Variants in ESRRB observed in about 807,000 individuals in gnomAD.
ESRRB encodes steroid hormone receptor ERR2.
In ESRRB, 16 loss-of-function variants were observed where a neutral mutation model predicts 46.0. The ratio of observed to expected loss-of-function variants is 0.35; its 90% CI spans 0.24 to 0.53. ESRRB has a LOEUF of 0.53. ESRRB is among the 20% of genes least tolerant of loss of function. ESRRB has a pLI of 0.93. For synonymous variants in ESRRB, 246 were observed against 259.6 expected, an observed-to-expected ratio of 0.95 and a Z score of 0.50; for missense variants, 488 against 607.4, an observed-to-expected ratio of 0.80 and a Z score of 2.07.
chr14:76,500,664 C>T lies in ESRRB; in HGVS notation c.*2206C>T. 6.2e-7 allele frequency: 1 copy of T among 1,613,498 alleles called. No individual in the cohort carries two copies. The highest frequency in any genetic ancestry group is 8.5e-7 in the Non-Finnish European group (1 of 1,179,654). Reference sequence around the variant, plus strand: ...GGACCCAGGCGGCAGGGCATCATGCCCAGCTGGCATCTGCTGTCTGTCTTT... The same window carrying T: ...GGACCCAGGCGGCAGGGCATCATGCTCAGCTGGCATCTGCTGTCTGTCTTT... On this transcript the variant is annotated 3_prime_UTR_variant, in exon 7 of 7. Coordinates refer to ENST00000644823, the MANE Select transcript of ESRRB (RefSeq NM_001379180.1).
Position 76,500,680 on chromosome 14 carries a change from G to C in ESRRB, c.*2222G>C, listed in dbSNP as rs368331437. ...GCATCATGCCCAGCTGGCATCTGCTGTCTGTCTTTTCTAGGGAAAGCATCT... is the reference window on the plus strand; with the variant it reads ...GCATCATGCCCAGCTGGCATCTGCTCTCTGTCTTTTCTAGGGAAAGCATCT... On this transcript the variant is annotated 3_prime_UTR_variant, in exon 7 of 7. Transcript: ENST00000644823. The C allele has an allele frequency of 2.2e-5, 35 of 1,613,678 alleles. No homozygotes were observed. Among genetic ancestry groups the C allele is most frequent in the African/African-American group, 1.9e-4 (14 of 74,934 alleles).
At chr14:76,354,055 C>T (rs572266082) in intron 1 of ESRRB, among the ~76,000 whole-genome samples, 35 of 152,280 alleles carry the variant, frequency 2.3e-4, no homozygotes, top group South Asian at 4.1e-4. Flanking sequence ...ATGTCAGCCC[C>T]GCTGGGTCCT....
intron 2 of ESRRB, among the ~76,000 whole-genome samples, chr14:76,441,421 T>C (rs556759365): frequency 6.6e-6 from 1 of 152,314 alleles, no homozygotes; most frequent in Non-Finnish European, 1.5e-5. Context: ...AGGGCTGTTA[T>C]CAAATTCATG....
intron 1 of ESRRB, among the ~76,000 whole-genome samples, chr14:76,386,768 C>T (rs957485322): frequency 2.0e-5 from 3 of 152,034 alleles, no homozygotes; most frequent in Non-Finnish European, 2.9e-5. Context: ...TTAGGCTGGC[C>T]GTGCCCTTAG....
intron 3 of ESRRB, 96 bp from the exon 4 acceptor site, chr14:76,481,920 T>TG (rs2140030654): frequency 9.1e-7 from 1 of 1,098,086 alleles, no homozygotes; most frequent in African/African-American, 2.7e-5. Flanking sequence ...AGCAAGGCCC[T>TG]GAAGGACCCA....
chr14:76,422,505 C>A (rs1246752873), intron 1 of ESRRB, among the ~76,000 whole-genome samples: 1 of 152,090 alleles, frequency 6.6e-6, no homozygotes. Flanking sequence ...GCCACCACAC[C>A]CGGCCGACAT....
chr14:76,431,840 C>T (rs570126005), intron 1 of ESRRB, among the ~76,000 whole-genome samples: 28 of 152,096 alleles, frequency 1.8e-4, no homozygotes, highest in Non-Finnish European at 3.7e-4. Flanking sequence ...TGACACTCCC[C>T]GCTCCTCCCC....
At chr14:76,459,610 A>G (rs1294593967) in intron 2 of ESRRB, among the ~76,000 whole-genome samples, 1 of 152,196 alleles carries the variant, frequency 6.6e-6, no homozygotes, top group Admixed American at 6.5e-5. Context: ...CTAAGCCAAG[A>G]TAAAAGCTTG....
intron 1 of ESRRB, chr14:76,407,432 G>T (rs1886237795): frequency 3.7e-6 from 2 of 544,270 alleles, no homozygotes; most frequent in Non-Finnish European, 4.7e-6. Context: ...CGAAGAGCCT[G>T]CATCGAGCAG....
chr14:76,334,274 A>G (rs10083530), intron 1 of ESRRB, among the ~76,000 whole-genome samples: 106,271 of 151,950 alleles, frequency 0.7, 37,704 homozygotes, highest in East Asian at 0.86. Context: ...CCAAGATCGC[A>G]GTTTCCTTTT....
chr14:76,354,214 T>A (rs1229410705), intron 1 of ESRRB, among the ~76,000 whole-genome samples: 1 of 69,786 alleles, frequency 1.4e-5, no homozygotes, highest in African/African-American at 1.2e-4. Context: ...GCCCCCAGGG[T>A]CCTCTACCCG....
chr14:76,412,257 G>T (rs1886475329), intron 1 of ESRRB, among the ~76,000 whole-genome samples: 1 of 152,210 alleles, frequency 6.6e-6, no homozygotes, highest in Admixed American at 6.5e-5. Context: ...CAGGGTTTGG[G>T]GCATGCTCCT....
At chr14:76,331,468 G>C (rs1276535799) in intron 1 of ESRRB, among the ~76,000 whole-genome samples, 1 of 152,156 alleles carries the variant, frequency 6.6e-6, no homozygotes, top group East Asian at 1.9e-4. Flanking sequence ...TGATGTGTTC[G>C]CTCCTGCTCT....
chr14:76,323,226 C>T (rs1430695026), intron 1 of ESRRB, among the ~76,000 whole-genome samples: 1 of 152,024 alleles, frequency 6.6e-6, no homozygotes, highest in African/African-American at 2.4e-5. Flanking sequence ...AGAGCATTCA[C>T]ATTCTTTGGG....
chr14:76,366,270 G>T (rs948205323), intron 1 of ESRRB, among the ~76,000 whole-genome samples: 4 of 151,994 alleles, frequency 2.6e-5, no homozygotes, highest in African/African-American at 9.7e-5. Context: ...TCAAAACACA[G>T]AAATAAACAA....
At chr14:76,396,272 A>C (rs11622466) in intron 1 of ESRRB, among the ~76,000 whole-genome samples, 21,561 of 152,226 alleles carry the variant, frequency 0.14, 1,900 homozygotes, top group Non-Finnish European at 0.2. Flanking sequence ...GAGTTGAGTA[A>C]AAATAAAAAT....
chr14:76,439,613 C>T lies in ESRRB; in HGVS notation c.323C>T (p.Ser108Leu). The change falls in exon 2 of 7, where the codon TCG becomes TTG. Residue 108 changes from serine to leucine, a missense_variant. By Grantham distance (145) the Ser-to-Leu change is moderately radical (BLOSUM62 -2). Transcript: ENST00000644823. Reference sequence around the variant, plus strand: ...TGTGCCAGCGGCATCATGGAGGACTCGGCCATCAAGTGCGAGTACATGCTC... The same window carrying T: ...TGTGCCAGCGGCATCATGGAGGACTTGGCCATCAAGTGCGAGTACATGCTC... ...EDCASGIMED[S>L]AIKCEYMLNA... 5 of 1,614,218 alleles carry T rather than the reference C, an allele frequency of 3.1e-6. No homozygotes were observed. Among genetic ancestry groups the T allele is most frequent in the Non-Finnish European group, 4.2e-6 (5 of 1,180,024 alleles).
chr14:76,432,972 G>T (rs556028755), intron 1 of ESRRB, among the ~76,000 whole-genome samples: 1 of 152,140 alleles, frequency 6.6e-6, no homozygotes, highest in South Asian at 2.1e-4. Context: ...ACCACACCCG[G>T]CTGGATTCCT....
chr14:76,358,425 A>G (rs947545243), intron 1 of ESRRB, among the ~76,000 whole-genome samples: 3 of 149,776 alleles, frequency 2.0e-5, no homozygotes, highest in East Asian at 2.0e-4. Flanking sequence ...AGAAAAGAAA[A>G]AGAAAAAAAT....
Sources: allele counts gnomAD v4.1 joint callset (sites outside exome capture counted in the v4.1 genomes callset), GRCh38; gene constraint gnomAD v4.1.1; transcripts MANE v1.5; gene names NCBI Gene and HGNC (gene_info 2026-07-23, HGNC 2026-07-21).